INTS11: variants seen among roughly 807,000 people sequenced by gnomAD.
INTS11 encodes integrator complex subunit 11, also known as CPSF3-like protein.
Under a neutral mutation model 78.6 loss-of-function variants are expected in INTS11, and 77 were observed. That is an observed-to-expected ratio of 0.98 (90% CI 0.81 to 1.18). INTS11 has a LOEUF of 1.18. INTS11 is among the 50% of genes most tolerant of loss of function. The pLI, the probability that INTS11 is intolerant of heterozygous loss-of-function variation, is 0.00. For synonymous variants in INTS11, 441 were observed against 326.9 expected, an observed-to-expected ratio of 1.35 and a Z score of -3.77; for missense variants, 875 against 825.9, an observed-to-expected ratio of 1.06 and a Z score of -0.73.
At chr1:1,312,200 G>GGGGGT in intron 15 of INTS11, 26 bp downstream of exon 15, 2 of 1,229,772 alleles carry the variant, frequency 1.6e-6, no homozygotes, top group South Asian at 2.7e-5. Context: ...CAAGGGAGTG[G>GGGGGT]GGGGGGGGCG....
rs1038209563 is a variant in INTS11, at chr1:1,324,467, G to A, written c.28+114C>T. The A allele has an allele frequency of 4.2e-5, 47 of 1,124,216 alleles. No homozygotes were observed. The East Asian group carries it at 4.7e-4, about 11-fold the overall frequency. 69.6% of individuals were successfully genotyped at this position (1,124,216 alleles called of 1,614,324 possible). A position where few individuals can be genotyped will look rare whatever the true frequency, so the allele number is the denominator to read the frequency against. ...GGCCCGCGCGGGGAGGAGACCGGAG[G>A]ACGCCCGCGGCGCGCACCTGGCTCC... On this transcript the variant is annotated intron_variant, in intron 1 of 16. Transcript: ENST00000435064.
chr1:1,312,908 TGC>T lies in INTS11; in HGVS notation c.1171_1172del (p.Ala391ThrfsTer81). On this transcript the variant is annotated frameshift_variant, in exon 12 of 17. Transcript: ENST00000435064. LOFTEE classifies it high-confidence loss of function. ...GCATGATGCCCTTGGCGTCCGCGTG[TGC>T]GCTGAATGACATGTACTCCACCTGC... ...KMQVEYMSFS[A>X]HADAKGIMQL... is the part of the protein sequence containing the mutation. The T allele has an allele frequency of 6.2e-7, 1 of 1,612,482 alleles. No individual in the cohort carries two copies. The highest frequency in any genetic ancestry group is 8.5e-7 in the Non-Finnish European group (1 of 1,179,766).
chr1:1,322,746 C>T lies in INTS11; in HGVS notation c.29-1653G>A, dbSNP rs1415785024. On this transcript the variant is annotated intron_variant, in intron 1 of 16. Coordinates refer to ENST00000435064, the MANE Select transcript of INTS11 (RefSeq NM_017871.6). ...GGATGGGCAGGGTGGGTAGGGGGAC[C>T]GGCGGCGGGGGGGGTAGCCACACAC... is the stretch of plus-strand genomic sequence containing the variant. 5.6e-5 allele frequency: 10 copies of T among 177,230 alleles called. No individual in the cohort carries two copies. The East Asian group carries it at 2.4e-3, about 42-fold the overall frequency. 11.0% of individuals were successfully genotyped at this position (177,230 alleles called of 1,614,324 possible). A position where few individuals can be genotyped will look rare whatever the true frequency, so the allele number is the denominator to read the frequency against.
intron 16 of INTS11, 37 bp from the exon 17 acceptor site, chr1:1,311,961 A>T (rs1642193333): frequency 6.3e-7 from 1 of 1,596,476 alleles, no homozygotes; most frequent in Admixed American, 1.8e-5. Context: ...GTGGTGCAGG[A>T]CAGGGAGGAA....
chr1:1,319,753 G>A (rs1175527439), intron 3 of INTS11: 6 of 560,280 alleles, frequency 1.1e-5, no homozygotes, highest in Admixed American at 3.3e-5. Flanking sequence ...CGGTGACGGC[G>A]ACATGCTCGC....
intron 4 of INTS11, chr1:1,318,968 A>G (rs1642780605): frequency 8.4e-6 from 6 of 717,116 alleles, no homozygotes; most frequent in Middle Eastern, 2.3e-4. Flanking sequence ...AGCTCCAGCG[A>G]GTCTCTGGCC....
rs183332018 is a variant in INTS11, at chr1:1,320,384, G to C, written c.200+72C>G. 1.8e-5 allele frequency: 27 copies of C among 1,473,438 alleles called. No homozygotes were observed. The Admixed American group carries it at 4.1e-4, about 22-fold the overall frequency. 91.3% of individuals were successfully genotyped at this position (1,473,438 alleles called of 1,614,324 possible). A position where few individuals can be genotyped will look rare whatever the true frequency, so the allele number is the denominator to read the frequency against. Reference sequence around the variant, plus strand: ...CACAGGCCCCTTGCCAAACGCTGCCGAGACCAAGCAAGGTGGCCCAAGCCC... The same window carrying C: ...CACAGGCCCCTTGCCAAACGCTGCCCAGACCAAGCAAGGTGGCCCAAGCCC... On this transcript the variant is annotated intron_variant, in intron 3 of 16. Transcript: ENST00000435064.
chr1:1,324,639 C>G lies in INTS11; in HGVS notation c.-31G>C. The G allele has an allele frequency of 8.1e-6, 13 of 1,598,502 alleles. No homozygotes were observed. Among genetic ancestry groups the G allele is most frequent in the Non-Finnish European group, 1.0e-5 (12 of 1,174,332 alleles). ...CCGCCGCGCTCCCGGACCCGCGAGG[C>G]CCGCCTGCGGTGATGCACTGCGCAG... On this transcript the variant is annotated 5_prime_UTR_variant, in exon 1 of 17. Coordinates refer to ENST00000435064, the MANE Select transcript of INTS11 (RefSeq NM_017871.6).
At chr1:1,316,041 C>T (rs750892251) in intron 4 of INTS11, 21 of 241,958 alleles carry the variant, frequency 8.7e-5, no homozygotes, top group Non-Finnish European at 1.5e-4. Flanking sequence ...AGAATGTTGG[C>T]GGCCAGGCCT....
At chr1:1,323,277 A>G in intron 1 of INTS11, 1 of 1,550,050 alleles carries the variant, frequency 6.5e-7, no homozygotes, top group Non-Finnish European at 8.7e-7. Context: ...AGGACAGCAC[A>G]GGGCAGGCAC....
At chr1:1,319,134 G>T in intron 4 of INTS11, 162 bp downstream of exon 4, 1 of 805,176 alleles carries the variant, frequency 1.2e-6, no homozygotes, top group East Asian at 2.4e-5. Flanking sequence ...GCATCCTCGC[G>T]CTGACGCCTC....
In INTS11 at chr1:1,312,213, G is replaced by GGGGGCGCCCCCCCCCCC; in HGVS notation, c.1607+12_1607+13insGGGGGGGGGGGCGCCCC. On this transcript the variant is annotated intron_variant, in intron 15 of 16. Coordinates refer to ENST00000435064, the MANE Select transcript of INTS11 (RefSeq NM_017871.6). Reference sequence around the variant, plus strand: ...CCCAAGGGAGTGGGGGGGGGGCGGGGCCGGGCGCCCACCTCTTGAGGTGGC... The same window carrying GGGGGCGCCCCCCCCCCC: ...CCCAAGGGAGTGGGGGGGGGGCGGGGGGGGCGCCCCCCCCCCCCCGGGCGCCCACCTCTTGAGGTGGC... The GGGGGCGCCCCCCCCCCC allele has an allele frequency of 1.1e-6, 1 of 934,628 alleles. No homozygotes were observed. Among genetic ancestry groups the GGGGGCGCCCCCCCCCCC allele is most frequent in the Non-Finnish European group, 1.6e-6 (1 of 636,676 alleles). 57.9% of individuals were successfully genotyped at this position (934,628 alleles called of 1,614,324 possible). A position where few individuals can be genotyped will look rare whatever the true frequency, so the allele number is the denominator to read the frequency against.
Position 1,314,613 on chromosome 1 carries a change from T to C in INTS11, c.702+211A>G. 1 of 674,316 alleles carries C rather than the reference T, an allele frequency of 1.5e-6. No homozygotes were observed. Among genetic ancestry groups the C allele is most frequent in the Non-Finnish European group, 2.5e-6 (1 of 405,026 alleles). The allele number at this position is 674,316 out of a possible 1,614,324, so 41.8% of individuals were successfully genotyped here. On this transcript the variant is annotated intron_variant, in intron 7 of 16. Coordinates refer to ENST00000435064, the MANE Select transcript of INTS11 (RefSeq NM_017871.6). This position sits in a 1 kb window ranked among gnomAD's most constrained non-coding sequence, Gnocchi z 4.2. ...CAGAAGGAGCCTGGCCAGGGCTTCGTCCGCACCTGAGGTAGGAGGGAAAAG... is the reference window on the plus strand; with the variant it reads ...CAGAAGGAGCCTGGCCAGGGCTTCGCCCGCACCTGAGGTAGGAGGGAAAAG...
At position 1,312,083 on chromosome 1, in the gene INTS11, G is replaced by A. The variant is rs1451884638; in HGVS notation, c.1672C>T (p.Leu558Phe). The A allele has an allele frequency of 1.4e-5, 22 of 1,573,972 alleles. No homozygotes were observed. In the East Asian group the frequency reaches 4.5e-4, roughly 32 times the overall value. Residue 558 changes from leucine to phenylalanine, a missense_variant, in exon 16 of 17, where the codon CTC becomes TTC. Transcript: ENST00000435064. ...TCCTCAGAAGGGGCGGCGGCCTGGA[G>A]GAGGACGGACTCCACAGTCACAGAG... ...DGSVTVESVLLQAAAPSEDPG... is the reference protein window; with the variant it reads ...DGSVTVESVLFQAAAPSEDPG...
At chr1:1,323,222 T>C in intron 1 of INTS11, 1 of 1,550,186 alleles carries the variant, frequency 6.5e-7, no homozygotes, top group Non-Finnish European at 8.7e-7. Context: ...GTGTCTGTGC[T>C]GGAAGGTGCC....
At position 1,324,610 on chromosome 1, in the gene INTS11, G is replaced by T. The variant is rs765128321; in HGVS notation, c.-2C>A. On this transcript the variant is annotated 5_prime_UTR_variant, in exon 1 of 17. Coordinates refer to ENST00000435064, the MANE Select transcript of INTS11 (RefSeq NM_017871.6). ...GGGCGTGACTCTGATCTCAGGCATC[G>T]TCTCCGCCGCGCTCCCGGACCCGCG... 6.3e-7 allele frequency: 1 copy of T among 1,598,908 alleles called. No individual in the cohort carries two copies. The highest frequency in any genetic ancestry group is 8.5e-7 in the Non-Finnish European group (1 of 1,174,558).
Position 1,311,777 on chromosome 1 carries a change from G to A in INTS11, c.*82C>T. 1 of 1,392,166 alleles carries A rather than the reference G, an allele frequency of 7.2e-7. No individual in the cohort carries two copies. The highest frequency in any genetic ancestry group is 9.8e-7 in the Non-Finnish European group (1 of 1,015,506). 86.2% of individuals were successfully genotyped at this position (1,392,166 alleles called of 1,614,324 possible). A position where few individuals can be genotyped will look rare whatever the true frequency, so the allele number is the denominator to read the frequency against. ...GGACCTGCAGGGTCTGTTCACCCAG[G>A]GCACCCACAGTCCTGAAGTGCAGGC... On this transcript the variant is annotated 3_prime_UTR_variant, in exon 17 of 17. Transcript: ENST00000435064.
chr1:1,315,512 C>T lies in INTS11; in HGVS notation c.528+8G>A, dbSNP rs1344549829. 4 of 1,612,790 alleles carry T rather than the reference C, an allele frequency of 2.5e-6. No homozygotes were observed. The highest frequency in any genetic ancestry group is 1.3e-5 in the African/African-American group (1 of 74,654). On this transcript the variant is annotated splice_region_variant and intron_variant, in intron 5 of 16. Coordinates refer to ENST00000435064, the MANE Select transcript of INTS11 (RefSeq NM_017871.6). ...AGCCCCTCCCAAGCCTCAAGCCCTTCCACTGACCGTGTAGACCACAGACTC... is the reference window on the plus strand; with the variant it reads ...AGCCCCTCCCAAGCCTCAAGCCCTTTCACTGACCGTGTAGACCACAGACTC...
intron 4 of INTS11, chr1:1,318,786 G>A (rs1361353045): frequency 1.1e-5 from 6 of 554,716 alleles, no homozygotes; most frequent in East Asian, 9.0e-5. Context: ...AATACCCAGA[G>A]ATTCGAGTGA....
Sources: gnomAD v4.1 joint callset for allele counts on GRCh38, gnomAD v4.1.1 for gene constraint, Gnocchi (gnomAD v3.1) non-coding constraint, MANE v1.5 for transcripts, NCBI Gene and HGNC (gene_info 2026-07-23, HGNC 2026-07-21) for gene names.